Variants in TRPM3 observed in about 807,000 individuals in gnomAD.
TRPM3 encodes the protein transient receptor potential cation channel subfamily M member 3.
In TRPM3, 77 loss-of-function variants were observed where a neutral mutation model predicts 181.2. The ratio of observed to expected loss-of-function variants is 0.42; its 90% CI spans 0.35 to 0.51. The LOEUF is 0.51. TRPM3 is among the 20% of genes least tolerant of loss of function. The pLI is 0.01. For synonymous variants in TRPM3, 745 were observed against 796.4 expected, an observed-to-expected ratio of 0.94 and a Z score of 1.09; for missense variants, 1,759 against 2,196.7, an observed-to-expected ratio of 0.80 and a Z score of 3.98.
intron 7 of TRPM3, among the ~76,000 whole-genome samples, chr9:70,768,663 A>G (rs1009299493): frequency 6.6e-6 from 1 of 151,990 alleles, no homozygotes; most frequent in Admixed American, 6.6e-5. Flanking sequence ...GCTCACATCG[A>G]TAATCCCAGT....
At chr9:70,784,374 A>G (rs541332190) in intron 6 of TRPM3, 95 bp from the exon 7 acceptor site, 2 of 1,334,030 alleles carry the variant, frequency 1.5e-6, no homozygotes, top group East Asian at 2.5e-5. Context: ...AGCACAAACT[A>G]AAATTACTGA....
chr9:71,391,988 G>A (rs2093072589), intron 1 of TRPM3, among the ~76,000 whole-genome samples: 2 of 152,038 alleles, frequency 1.3e-5, no homozygotes. Flanking sequence ...ATTTCTATGG[G>A]CTACAGTGGC....
intron 1 of TRPM3, among the ~76,000 whole-genome samples, chr9:71,397,779 A>C (rs1244880976): frequency 7.3e-5 from 9 of 123,170 alleles, no homozygotes; most frequent in Non-Finnish European, 1.5e-4. Flanking sequence ...GAAAAAGAAA[A>C]AGATGAAGAG....
In TRPM3 at chr9:70,657,863, C is replaced by T. The variant is rs77166587; in HGVS notation, c.1346-17203G>A. ...GGGCCAGAAATTAAAGCTATTCAAT[C>T]CTCAAGGCCCAGGGACTATTGCAGA... On this transcript the variant is annotated intron_variant, in intron 9 of 25. Transcript: ENST00000677713. Among the ~76,000 whole-genome samples, 1,380 of 152,198 alleles carry T rather than the reference C, an allele frequency of 9.1e-3. 23 individuals carry two copies. Among genetic ancestry groups the T allele is most frequent in the African/African-American group, 0.032 (1,309 of 41,528 alleles).
chr9:71,219,367 C>T (rs962570840), intron 1 of TRPM3, among the ~76,000 whole-genome samples: 8 of 152,166 alleles, frequency 5.3e-5, no homozygotes, highest in Admixed American at 1.3e-4. Flanking sequence ...TCTTAATGGT[C>T]AACTGTAGTA....
intron 1 of TRPM3, among the ~76,000 whole-genome samples, chr9:71,205,347 C>T (rs1194477953): frequency 1.3e-5 from 2 of 152,110 alleles, no homozygotes; most frequent in South Asian, 2.1e-4. Flanking sequence ...CAAAACTTTA[C>T]AAAAAAGCTT....
chr9:70,639,562 A>AT (rs748724204), intron 10 of TRPM3, among the ~76,000 whole-genome samples: 34 of 152,278 alleles, frequency 2.2e-4, no homozygotes, highest in Admixed American at 2.6e-4. Flanking sequence ...TGCTGTCTTC[A>AT]TTTTTGTTAT....
At chr9:71,429,404 T>G (rs1427963752) in intron 1 of TRPM3, among the ~76,000 whole-genome samples, 1 of 152,182 alleles carries the variant, frequency 6.6e-6, no homozygotes, top group Non-Finnish European at 1.5e-5. Flanking sequence ...CTTAGTTCCC[T>G]TATCTGTAAA....
rs761814660 is a variant in TRPM3, at chr9:70,842,997, A to G, written c.801+6T>C. ...GTCATGGAAAGCGACAGCACTCAGG[A>G]CTTACATCTCTTCCAATGAGGTCCT... On this transcript the variant is annotated splice_donor_region_variant and intron_variant, in intron 5 of 25. Coordinates refer to ENST00000677713, the MANE Select transcript of TRPM3 (RefSeq NM_001366145.2). The G allele has an allele frequency of 2.5e-6, 4 of 1,613,508 alleles. No homozygotes were observed. The Admixed American group carries it at 6.7e-5, about 27-fold the overall frequency.
chr9:71,106,255 T>C (rs905179233), intron 1 of TRPM3, among the ~76,000 whole-genome samples: 1 of 152,194 alleles, frequency 6.6e-6, no homozygotes, highest in Non-Finnish European at 1.5e-5. Context: ...ATGATATGAT[T>C]TGGATATTTG....
intron 22 of TRPM3, among the ~76,000 whole-genome samples, chr9:70,569,425 A>T (rs1018296701): frequency 1.3e-5 from 2 of 152,200 alleles, no homozygotes; most frequent in Non-Finnish European, 2.9e-5. Flanking sequence ...AACAAAGCAA[A>T]ATCTTGTTTT....
At chr9:71,417,738 CTAGAAA>C (rs1156833096) in intron 1 of TRPM3, among the ~76,000 whole-genome samples, 1 of 151,912 alleles carries the variant, frequency 6.6e-6, no homozygotes, top group Non-Finnish European at 1.5e-5. Context: ...GACTTCTAAA[CTAGAAA>C]TACTCTTTCT....
chr9:70,751,484 A>T (rs1253050575), intron 8 of TRPM3, among the ~76,000 whole-genome samples: 2 of 152,168 alleles, frequency 1.3e-5, no homozygotes. Context: ...ATGATAGGAG[A>T]CTTAAAATTA....
At chr9:71,036,052 C>G (rs2058163423) in intron 1 of TRPM3, among the ~76,000 whole-genome samples, 1 of 139,218 alleles carries the variant, frequency 7.2e-6, no homozygotes, top group African/African-American at 2.7e-5. Flanking sequence ...ACATTATCAT[C>G]AGCCCTAACT....
chr9:71,007,090 A>G (rs1328111810), intron 1 of TRPM3, among the ~76,000 whole-genome samples: 1 of 116,992 alleles, frequency 8.5e-6, no homozygotes, highest in African/African-American at 3.0e-5. Flanking sequence ...TAAGTCAGGA[A>G]CAGAAAAAAA....
At chr9:71,011,518 T>G (rs1046330442) in intron 1 of TRPM3, among the ~76,000 whole-genome samples, 2 of 152,112 alleles carry the variant, frequency 1.3e-5, no homozygotes, top group Non-Finnish European at 2.9e-5. Flanking sequence ...CCCATTTTTA[T>G]CAAACTTTTG....
chr9:71,135,577 A>G (rs1316573925), intron 1 of TRPM3, among the ~76,000 whole-genome samples: 1 of 152,208 alleles, frequency 6.6e-6, no homozygotes, highest in Non-Finnish European at 1.5e-5. Flanking sequence ...TCCACAAAAT[A>G]AGGCATTTTC....
intron 1 of TRPM3, among the ~76,000 whole-genome samples, chr9:71,118,692 G>C (rs909200175): frequency 1.3e-5 from 2 of 152,092 alleles, no homozygotes; most frequent in African/African-American, 4.8e-5. Flanking sequence ...ACTACCTGTT[G>C]AATAGGAGAA....
intron 1 of TRPM3, among the ~76,000 whole-genome samples, chr9:71,276,092 C>T (rs11788451): frequency 7.9e-5 from 12 of 152,204 alleles, no homozygotes; most frequent in Non-Finnish European, 1.5e-4. Flanking sequence ...CCACCTGCCT[C>T]GGCCTCCCAA....
Sources: allele counts gnomAD v4.1 joint callset (sites outside exome capture counted in the v4.1 genomes callset), GRCh38; gene constraint gnomAD v4.1.1; transcripts MANE v1.5; gene names NCBI Gene and HGNC (gene_info 2026-07-23, HGNC 2026-07-21).